The following LRIF1 variants were observed in gnomAD, a reference collection of about 807,000 sequenced individuals.
LRIF1 encodes ligand-dependent nuclear receptor-interacting factor 1.
LRIF1 carries 32 observed loss-of-function variants against 52.7 expected under a neutral mutation model. The ratio of observed to expected loss-of-function variants is 0.61; its 90% CI spans 0.46 to 0.82. The LOEUF (loss-of-function observed/expected upper bound fraction) is 0.82. Among genes scored for constraint, LRIF1 ranks in the 40% least tolerant of loss-of-function variants. The pLI is 0.00. For missense variants in LRIF1, 887 were observed against 892.0 expected (o/e 0.99, Z 0.07); for synonymous variants, 323 against 317.4 (o/e 1.02, Z -0.19).
At chr1:110,909,463 A>G in the LRIF1 span, among the ~76,000 whole-genome samples, 1 of 152,058 alleles carries the variant, frequency 6.6e-6, no homozygotes, top group African/African-American at 2.4e-5. Flanking sequence ...ACCCAACTCT[A>G]TACTGTCCTC....
the LRIF1 span, among the ~76,000 whole-genome samples, chr1:110,875,939 A>C: frequency 6.6e-6 from 1 of 152,226 alleles, no homozygotes; most frequent in Non-Finnish European, 1.5e-5. Flanking sequence ...TTCATTATCC[A>C]TTTCATAAGC....
At chr1:110,902,060 C>T in the LRIF1 span, among the ~76,000 whole-genome samples, 4 of 152,326 alleles carry the variant, frequency 2.6e-5, no homozygotes, top group Non-Finnish European at 5.9e-5. Flanking sequence ...ATTAACTTGC[C>T]TGTATTCCTT....
chr1:110,906,765 T>C, the LRIF1 span, among the ~76,000 whole-genome samples: 3 of 152,112 alleles, frequency 2.0e-5, no homozygotes, highest in Non-Finnish European at 4.4e-5. Flanking sequence ...GGGCTATAGA[T>C]TCAATGCAGT....
the LRIF1 span, chr1:110,938,666 T>G: frequency 2.0e-5 from 3 of 152,190 alleles, no homozygotes; most frequent in Non-Finnish European, 4.4e-5. Flanking sequence ...GGATGCCCAC[T>G]TTCACCACTG....
the LRIF1 span, among the ~76,000 whole-genome samples, chr1:110,920,998 A>C: frequency 6.6e-6 from 1 of 152,184 alleles, no homozygotes; most frequent in Non-Finnish European, 1.5e-5. Flanking sequence ...AGAATGTCTA[A>C]GATGCAAGAA....
chr1:110,930,509 C>T, the LRIF1 span, among the ~76,000 whole-genome samples: 247 of 152,180 alleles, frequency 1.6e-3, 1 homozygote, highest in African/African-American at 5.6e-3. Flanking sequence ...AGGCATGGAG[C>T]GGTGGGGAAT....
chr1:110,920,391 AG>A, the LRIF1 span, among the ~76,000 whole-genome samples: 1 of 152,360 alleles, frequency 6.6e-6, no homozygotes, highest in Admixed American at 6.5e-5. Context: ...AAAGACATGA[AG>A]GAACCCTAAA....
chr1:110,889,849 T>G, the LRIF1 span, among the ~76,000 whole-genome samples: 2 of 152,166 alleles, frequency 1.3e-5, no homozygotes, highest in African/African-American at 2.4e-5. Flanking sequence ...CTGATATATA[T>G]TCAAATGCAT....
At chr1:110,898,493 CCCT>C in the LRIF1 span, among the ~76,000 whole-genome samples, 1 of 151,888 alleles carries the variant, frequency 6.6e-6, no homozygotes, top group Non-Finnish European at 1.5e-5. Context: ...CCACTGTGAT[CCCT>C]CCTCAGCTGG....
chr1:110,920,776 C>T, the LRIF1 span, among the ~76,000 whole-genome samples: 9 of 152,078 alleles, frequency 5.9e-5, no homozygotes, highest in Non-Finnish European at 1.0e-4. Context: ...GCGGTACATG[C>T]GGTGGGGAAA....
At chr1:110,909,467 T>G in the LRIF1 span, among the ~76,000 whole-genome samples, 1 of 151,790 alleles carries the variant, frequency 6.6e-6, no homozygotes, top group Non-Finnish European at 1.5e-5. Flanking sequence ...AACTCTATAC[T>G]GTCCTCAAGA....
chr1:110,948,478 G>A (rs1435576063), intron 3 of LRIF1, 79 bp from the exon 4 acceptor site: 16 of 1,476,952 alleles, frequency 1.1e-5, no homozygotes, highest in Admixed American at 7.5e-5. Flanking sequence ...ACTTAACAAC[G>A]TCTGCAGAAA....
the LRIF1 span, among the ~76,000 whole-genome samples, chr1:110,935,073 C>T: frequency 6.6e-6 from 1 of 152,172 alleles, no homozygotes; most frequent in South Asian, 2.1e-4. Flanking sequence ...CTGGATTTGT[C>T]CAAGACCGTC....
chr1:110,921,340 A>C, the LRIF1 span, among the ~76,000 whole-genome samples: 2 of 152,206 alleles, frequency 1.3e-5, no homozygotes, highest in Non-Finnish European at 2.9e-5. Context: ...AAACATATTC[A>C]GTCAAAAAAT....
At chr1:110,960,999 G>GCTAT (rs1426117950) in intron 1 of LRIF1, among the ~76,000 whole-genome samples, 1 of 152,154 alleles carries the variant, frequency 6.6e-6, no homozygotes, top group Non-Finnish European at 1.5e-5. Context: ...ACCCTTAAGA[G>GCTAT]CTATCTATCT....
chr1:110,920,911 G>A, the LRIF1 span, among the ~76,000 whole-genome samples: 37 of 152,112 alleles, frequency 2.4e-4, no homozygotes, highest in Admixed American at 7.9e-4. Flanking sequence ...ACAAGTGGGA[G>A]AATTTACGAC....
At chr1:110,897,753 C>A in the LRIF1 span, 1 of 1,055,356 alleles carries the variant, frequency 9.5e-7, no homozygotes, top group Non-Finnish European at 1.5e-6. Flanking sequence ...CAAATACTTC[C>A]TCTTGATATG....
At chr1:110,949,512 C>T (rs533075336) in intron 3 of LRIF1, among the ~76,000 whole-genome samples, 4 of 151,596 alleles carry the variant, frequency 2.6e-5, no homozygotes, top group East Asian at 2.0e-4. Flanking sequence ...CTCCGCCTCC[C>T]GGGTTCAAGT....
the LRIF1 span, among the ~76,000 whole-genome samples, chr1:110,886,577 G>A: frequency 1.3e-5 from 2 of 151,958 alleles, no homozygotes; most frequent in Non-Finnish European, 2.9e-5. Flanking sequence ...GGCCAGGCAT[G>A]GTGGCTCACA....
Sources: gnomAD v4.1 joint callset for allele counts (sites outside exome capture counted in the v4.1 genomes callset) on GRCh38, gnomAD v4.1.1 for gene constraint, MANE v1.5 for transcripts, NCBI Gene and HGNC (gene_info 2026-07-23, HGNC 2026-07-21) for gene names.